Variants in VWCE observed in about 807,000 individuals in gnomAD.
VWCE encodes the protein von Willebrand factor C and EGF domain-containing protein.
In VWCE, 68 loss-of-function variants were observed where a neutral mutation model predicts 102.9. The ratio of observed to expected loss-of-function variants is 0.66; its 90% CI spans 0.54 to 0.81. The LOEUF (loss-of-function observed/expected upper bound fraction) is 0.81, where lower values mean the gene tolerates loss of function less well. Ranked by LOEUF, VWCE falls within the 30% of genes least tolerant of loss-of-function variation. VWCE has a pLI of 0.00. For synonymous variants in VWCE, 497 were observed against 515.4 expected, an observed-to-expected ratio of 0.96 and a Z score of 0.48; for missense variants, 1,137 against 1,263.6, an observed-to-expected ratio of 0.90 and a Z score of 1.52.
intron 1 of VWCE, among the ~76,000 whole-genome samples, chr11:61,292,812 CA>C (rs1044213878): frequency 3.4e-4 from 51 of 152,090 alleles, no homozygotes; most frequent in South Asian, 8.3e-4. Flanking sequence ...TGAGGAGGGT[CA>C]GGGGGGGTTC....
rs1590643216 is a variant in VWCE, at chr11:61,280,956, G to T, written c.1067C>A (p.Pro356His). ...CACCTCCCCCTGAAGGAGTGAGGGG[G>T]GTCTGAGGTTCCCCAGCAGGGAGGC... ...PTASLLGNLR[P>H]PSLLQGEVMG... The change falls in exon 8 of 20, where the codon CCC (proline) becomes CAC (histidine). Residue 356 changes from proline to histidine, a missense_variant. Physicochemically the swap from Pro to His is moderately conservative, Grantham distance 77 (BLOSUM62 -2). Transcript: ENST00000335613. The T allele has an allele frequency of 6.5e-7, 1 of 1,534,102 alleles. No individual in the cohort carries two copies. The highest frequency in any genetic ancestry group is 2.1e-5 in the Admixed American group (1 of 47,418).
chr11:61,288,288 A>G (rs1227434404), intron 4 of VWCE, among the ~76,000 whole-genome samples: 3 of 152,030 alleles, frequency 2.0e-5, no homozygotes, highest in Non-Finnish European at 2.9e-5. Context: ...GATTTCCCCA[A>G]ATCATGCTTC....
chr11:61,280,578 G>A, intron 9 of VWCE, 46 bp downstream of exon 9: 6 of 1,595,324 alleles, frequency 3.8e-6, no homozygotes, highest in Non-Finnish European at 5.1e-6. Context: ...AGGGTGCAGA[G>A]AAAGGAAGAG....
At chr11:61,267,369 G>A (rs1854543939) in intron 16 of VWCE, 93 bp downstream of exon 16, 4 of 1,259,688 alleles carry the variant, frequency 3.2e-6, no homozygotes, top group South Asian at 1.2e-5. Flanking sequence ...CCCTTGTCTT[G>A]GAGGTCTCTG....
At chr11:61,277,445 CAAA>C (rs776374059) in intron 10 of VWCE, among the ~76,000 whole-genome samples, 1 of 53,890 alleles carries the variant, frequency 1.9e-5, no homozygotes, top group Non-Finnish European at 4.0e-5. Context: ...CCTGCCTCTA[CAAA>C]AAAAAAAAAA....
Position 61,258,911 on chromosome 11 carries a change from C to CT in VWCE, c.2631dup (p.Ala878SerfsTer50). 1 of 1,531,928 alleles carries CT rather than the reference C, an allele frequency of 6.5e-7. No individual in the cohort carries two copies. The highest frequency in any genetic ancestry group is 8.7e-7 in the Non-Finnish European group (1 of 1,143,208). 94.9% of individuals were successfully genotyped at this position (1,531,928 alleles called of 1,614,324 possible). On this transcript the variant is annotated frameshift_variant, in exon 20 of 20. Coordinates refer to ENST00000335613, the MANE Select transcript of VWCE (RefSeq NM_152718.2). LOFTEE classifies it low-confidence loss of function (END_TRUNC). ...CTGGACACTATCTGGGCCCCAGAGG[C>CT]TGAGAACGAGCGCTCTGGAGTCACA...
chr11:61,293,241 CAAAAAAAAA>C (rs764741197), intron 1 of VWCE, among the ~76,000 whole-genome samples: 10 of 18,050 alleles, frequency 5.5e-4, no homozygotes, highest in South Asian at 1.8e-3. Context: ...AACTCCATCT[CAAAAAAAAA>C]AAAAAAAAAA....
chr11:61,258,754 G>A lies in VWCE; in HGVS notation c.2789C>T (p.Thr930Ile), dbSNP rs1854260090. Residue 930 changes from threonine (T) to isoleucine (I), a missense_variant, in exon 20 of 20, where the codon ACA becomes ATA. Around this residue, in one of 5 missense-constraint regions of VWCE, gnomAD observed 316 missense variants for 319.3 expected, o/e 0.99. Coordinates refer to ENST00000335613, the MANE Select transcript of VWCE (RefSeq NM_152718.2). ...AGGGTGGGTGGTGGCTGCAAGGGCT[G>A]TGGAGAGTCTAGAGGTGGTGGGAGA... The part of the protein sequence containing the change: ...VLSPTTSRLS[T>I]ALAATTHPGP... 3.5e-6 allele frequency: 5 copies of A among 1,437,216 alleles called. No homozygotes were observed. The East Asian group carries it at 7.5e-5, about 21-fold the overall frequency. The allele number at this position is 1,437,216 out of a possible 1,614,324, so 89.0% of individuals were successfully genotyped here. A position where few individuals can be genotyped will look rare whatever the true frequency, so the allele number is the denominator to read the frequency against.
At position 61,294,844 on chromosome 11, in the gene VWCE, C is replaced by T; in HGVS notation, c.110+84G>A. On this transcript the variant is annotated intron_variant, in intron 1 of 19. Transcript: ENST00000335613. The surrounding 1 kb of genome is among the most constrained non-coding windows in gnomAD (Gnocchi z 6.3). ...CCCCGACACGCGGCTGCCTGCGGCT[C>T]CTGAGCGCCCCTCCGCGCCTCTCGA... 2 of 976,842 alleles carry T rather than the reference C, an allele frequency of 2.0e-6. No homozygotes were observed. Among genetic ancestry groups the T allele is most frequent in the Non-Finnish European group, 2.7e-6 (2 of 735,232 alleles). The allele number at this position is 976,842 out of a possible 1,614,324, so 60.5% of individuals were successfully genotyped here. A position where few individuals can be genotyped will look rare whatever the true frequency, so the allele number is the denominator to read the frequency against.
In VWCE at chr11:61,282,943, C is replaced by T. The variant is rs377697033; in HGVS notation, c.542-38G>A. 46 of 1,541,634 alleles carry T rather than the reference C, an allele frequency of 3.0e-5. No individual in the cohort carries two copies. In the African/African-American group the frequency reaches 5.2e-4, roughly 17 times the overall value. On this transcript the variant is annotated intron_variant, in intron 5 of 19. Coordinates refer to ENST00000335613, the MANE Select transcript of VWCE (RefSeq NM_152718.2). ...GGGACAAGACTGGGGTTCATTTCCC[C>T]AACAGAACCTTGGAAATATATGGTC...
chr11:61,272,102 C>A (rs1218878194), intron 13 of VWCE, among the ~76,000 whole-genome samples: 1 of 151,952 alleles, frequency 6.6e-6, no homozygotes, highest in Non-Finnish European at 1.5e-5. Flanking sequence ...CACACAGATA[C>A]AACACAGACA....
At chr11:61,291,913 A>G (rs970034222) in intron 1 of VWCE, among the ~76,000 whole-genome samples, 3 of 152,224 alleles carry the variant, frequency 2.0e-5, no homozygotes, top group African/African-American at 7.2e-5. Flanking sequence ...TTGCACTTGC[A>G]GTTCCTGCTA....
At chr11:61,264,604 G>C (rs776394166) in intron 18 of VWCE, 27 bp from the exon 19 acceptor site, 1 of 1,589,070 alleles carries the variant, frequency 6.3e-7, no homozygotes, top group Non-Finnish European at 8.6e-7. Context: ...AACCCCATGA[G>C]GAAGCCCAGA....
At chr11:61,287,319 G>A (rs553095068) in intron 4 of VWCE, among the ~76,000 whole-genome samples, 9 of 152,218 alleles carry the variant, frequency 5.9e-5, no homozygotes, top group African/African-American at 2.2e-4. Flanking sequence ...AGGGACTGGG[G>A]CCCCCTTTAA....
chr11:61,267,844 C>A (rs1001604055), intron 15 of VWCE, among the ~76,000 whole-genome samples: 3 of 152,118 alleles, frequency 2.0e-5, no homozygotes, highest in Non-Finnish European at 4.4e-5. Flanking sequence ...GGTGGAAGAA[C>A]TGGGAAATAC....
chr11:61,293,494 C>T (rs1409781193), intron 1 of VWCE, among the ~76,000 whole-genome samples: 1 of 151,302 alleles, frequency 6.6e-6, no homozygotes, highest in Non-Finnish European at 1.5e-5. Context: ...GGAAACAGCA[C>T]AACTGCAGGC....
rs1855639015 is a variant in VWCE, at chr11:61,295,246, G to T, written c.-209C>A. The T allele has an allele frequency of 5.3e-6, 2 of 378,638 alleles. No individual in the cohort carries two copies. The highest frequency in any genetic ancestry group is 9.4e-6 in the Non-Finnish European group (2 of 213,836). The allele number at this position is 378,638 out of a possible 1,614,324, so 23.5% of individuals were successfully genotyped here. ...GACGCGGCGGACGATTGTGGGGAGG[G>T]TCTCTGGCACCTCGAAGCGAAACAC... is the stretch of plus-strand genomic sequence containing the variant. On this transcript the variant is annotated 5_prime_UTR_variant, in exon 1 of 20. Transcript: ENST00000335613. This position sits in a 1 kb window ranked among gnomAD's most constrained non-coding sequence, Gnocchi z 4.6.
At chr11:61,287,211 C>T (rs1340717902) in intron 4 of VWCE, among the ~76,000 whole-genome samples, 1 of 152,220 alleles carries the variant, frequency 6.6e-6, no homozygotes, top group Non-Finnish European at 1.5e-5. Context: ...ACCAAGCCTG[C>T]CCTCAGCAGC....
chr11:61,272,117 T>G (rs1565220980), intron 13 of VWCE, among the ~76,000 whole-genome samples: 1 of 147,468 alleles, frequency 6.8e-6, no homozygotes, highest in Non-Finnish European at 1.5e-5. Flanking sequence ...CAGACACACA[T>G]GCACACAGAC....
Sources: allele counts gnomAD v4.1 joint callset (sites outside exome capture counted in the v4.1 genomes callset), GRCh38; gene constraint gnomAD v4.1.1; regional missense constraint gnomAD v4.1.1; non-coding constraint Gnocchi (gnomAD v3.1); transcripts MANE v1.5; gene names NCBI Gene and HGNC (gene_info 2026-07-23, HGNC 2026-07-21).